CAAP1: variants seen among roughly 807,000 people sequenced by gnomAD.
CAAP1 encodes the protein caspase activity and apoptosis inhibitor 1, also known as conserved anti-apoptotic protein.
CAAP1 carries 20 observed loss-of-function variants against 34.0 expected under a neutral mutation model. The observed-to-expected ratio is 0.59, with a 90% CI of 0.41 to 0.86. CAAP1 has a LOEUF of 0.86. CAAP1 is among the 40% of genes least tolerant of loss of function. The pLI, the probability that CAAP1 is intolerant of heterozygous loss-of-function variation, is 0.00. For synonymous variants in CAAP1, 213 were observed against 166.7 expected (o/e 1.28, Z -2.14); for missense variants, 538 against 450.5 (o/e 1.19, Z -1.76).
chr9:26,874,165 C>A (rs1005155833), intron 4 of CAAP1, among the ~76,000 whole-genome samples: 1 of 142,458 alleles, frequency 7.0e-6, no homozygotes, highest in African/African-American at 2.7e-5. Context: ...CTAGATCACA[C>A]CACTGCACTC....
chr9:26,865,112 T>C (rs550093074), intron 4 of CAAP1, among the ~76,000 whole-genome samples: 2 of 152,300 alleles, frequency 1.3e-5, no homozygotes, highest in African/African-American at 2.4e-5. Context: ...ATCTCAACTG[T>C]GAGAAAAATC....
chr9:26,877,330 A>T (rs139310378), intron 4 of CAAP1, among the ~76,000 whole-genome samples: 2 of 152,210 alleles, frequency 1.3e-5, no homozygotes, highest in Admixed American at 1.3e-4. Context: ...TCTGGCCCCA[A>T]GCATTTCCAA....
At chr9:26,882,820 C>G (rs1823629089) in intron 4 of CAAP1, among the ~76,000 whole-genome samples, 1 of 152,270 alleles carries the variant, frequency 6.6e-6, no homozygotes, top group Non-Finnish European at 1.5e-5. Context: ...ACCATGGAAA[C>G]CTACCATTTG....
intron 1 of CAAP1, among the ~76,000 whole-genome samples, chr9:26,888,345 C>T (rs1470847276): frequency 6.6e-6 from 1 of 152,210 alleles, no homozygotes; most frequent in East Asian, 1.9e-4. Flanking sequence ...AACCTATTCT[C>T]CTTCCTTCAG....
intron 4 of CAAP1, among the ~76,000 whole-genome samples, chr9:26,874,536 C>T (rs1465118064): frequency 2.0e-5 from 3 of 152,140 alleles, no homozygotes; most frequent in Non-Finnish European, 4.4e-5. Context: ...GCTCCCTGTA[C>T]CCACCCCAAC....
chr9:26,884,762 G>A lies in CAAP1; in HGVS notation c.665+48C>T, dbSNP rs750829513. The A allele has an allele frequency of 1.7e-5, 22 of 1,267,736 alleles. No homozygotes were observed. In the South Asian group the frequency reaches 2.1e-4, roughly 12 times the overall value. The allele number at this position is 1,267,736 out of a possible 1,614,324, so 78.5% of individuals were successfully genotyped here. A position where few individuals can be genotyped will look rare whatever the true frequency, so the allele number is the denominator to read the frequency against. On this transcript the variant is annotated intron_variant, in intron 4 of 5. Transcript: ENST00000333916. ...ATCTTTGACATAAGAAATCACCAAA[G>A]GAATAACAAAGAAATTTTGAAATAA... is the stretch of plus-strand genomic sequence containing the variant.
intron 4 of CAAP1, among the ~76,000 whole-genome samples, chr9:26,863,688 A>G (rs1440666760): frequency 6.7e-6 from 1 of 149,806 alleles, no homozygotes; most frequent in African/African-American, 2.4e-5. Context: ...AAAGAGAGGA[A>G]TGGGGAGAGG....
intron 5 of CAAP1, among the ~76,000 whole-genome samples, chr9:26,848,373 G>C (rs1251225144): frequency 6.6e-6 from 1 of 152,082 alleles, no homozygotes; most frequent in Non-Finnish European, 1.5e-5. Flanking sequence ...AAAATTAGCC[G>C]GGCCTGGTGG....
At chr9:26,871,539 T>C (rs1823274173) in intron 4 of CAAP1, among the ~76,000 whole-genome samples, 1 of 149,334 alleles carries the variant, frequency 6.7e-6, no homozygotes, top group Non-Finnish European at 1.5e-5. Flanking sequence ...ATCGTGCCAC[T>C]GCACTCCAGC....
At position 26,842,608 on chromosome 9, in the gene CAAP1, T is replaced by C; in HGVS notation, c.779A>G (p.Asp260Gly). The C allele has an allele frequency of 6.2e-7, 1 of 1,614,018 alleles. No individual in the cohort carries two copies. The highest frequency in any genetic ancestry group is 8.5e-7 in the Non-Finnish European group (1 of 1,179,984). Residue 260 changes from aspartate (D) to glycine (G), a missense_variant, in exon 6 of 6, where the codon GAT becomes GGT. Transcript: ENST00000333916. Reference protein sequence around the residue: ...EDSDVLSINADAYDSDIEGPC... With the variant: ...EDSDVLSINAGAYDSDIEGPC... ...GCCTTCTATGTCGCTGTCATAAGCA[T>C]CTGCATTTATACTGAGTACATCACT... is the stretch of plus-strand genomic sequence containing the variant.
chr9:26,843,919 TTTTA>T (rs1200748028), intron 5 of CAAP1, among the ~76,000 whole-genome samples: 11 of 152,240 alleles, frequency 7.2e-5, no homozygotes, highest in African/African-American at 2.7e-4. Flanking sequence ...AAGATTATCA[TTTTA>T]TTTGATGGCA....
intron 5 of CAAP1, among the ~76,000 whole-genome samples, chr9:26,856,851 T>G (rs1822881168): frequency 6.6e-6 from 1 of 152,228 alleles, no homozygotes; most frequent in African/African-American, 2.4e-5. Flanking sequence ...CATGTATAGT[T>G]TTAAAATTTC....
At chr9:26,891,417 T>C (rs1048467999) in intron 1 of CAAP1, among the ~76,000 whole-genome samples, 1 of 152,204 alleles carries the variant, frequency 6.6e-6, no homozygotes, top group Admixed American at 6.5e-5. Context: ...GTTTGGACTA[T>C]AAATCTGTAA....
chr9:26,884,667 T>C, intron 4 of CAAP1, 143 bp downstream of exon 4: 1 of 687,480 alleles, frequency 1.5e-6, no homozygotes, highest in Non-Finnish European at 2.5e-6. Context: ...GACCAATCAT[T>C]ACAAGTAGAC....
intron 4 of CAAP1, among the ~76,000 whole-genome samples, chr9:26,878,282 T>A (rs1439157073): frequency 2.6e-5 from 4 of 152,222 alleles, no homozygotes; most frequent in Admixed American, 6.5e-5. Flanking sequence ...CAAGTAATCT[T>A]CTCTCTAGAT....
intron 5 of CAAP1, among the ~76,000 whole-genome samples, chr9:26,850,324 G>A (rs548919546): frequency 2.6e-5 from 4 of 152,130 alleles, no homozygotes; most frequent in African/African-American, 9.7e-5. Flanking sequence ...TACGTGGGCA[G>A]AGTGGGGGTT....
chr9:26,892,655 C>G lies in CAAP1; in HGVS notation c.61G>C (p.Ala21Pro). 6.2e-7 allele frequency: 1 copy of G among 1,607,552 alleles called. No homozygotes were observed. Among genetic ancestry groups the G allele is most frequent in the Non-Finnish European group, 8.5e-7 (1 of 1,179,192 alleles). The change falls in exon 1 of 6, where the codon GCA becomes CCA. Residue 21 changes from alanine (A) to proline (P), a missense_variant. Coordinates refer to ENST00000333916, the MANE Select transcript of CAAP1 (RefSeq NM_024828.4). ...RRKRSSQEAA[A>P]ALAAPDIVPA... ...ACGATGTCCGGGGCCGCGAGCGCTG[C>G]GGCCGCCTCCTGACTGCTACGTTTG... is the stretch of plus-strand genomic sequence containing the variant.
intron 1 of CAAP1, among the ~76,000 whole-genome samples, chr9:26,888,444 A>T (rs559075691): frequency 6.6e-6 from 1 of 152,354 alleles, no homozygotes; most frequent in Admixed American, 6.5e-5. Flanking sequence ...CAAGATTAAC[A>T]AATTCAGATA....
At chr9:26,843,588 G>A (rs1822528415) in intron 5 of CAAP1, among the ~76,000 whole-genome samples, 1 of 150,772 alleles carries the variant, frequency 6.6e-6, no homozygotes, top group Admixed American at 6.6e-5. Context: ...CTGCACCCAT[G>A]AATATGTTTT....
Sources: gnomAD v4.1 joint callset for allele counts (sites outside exome capture counted in the v4.1 genomes callset) on GRCh38, gnomAD v4.1.1 for gene constraint, MANE v1.5 for transcripts, NCBI Gene and HGNC (gene_info 2026-07-23, HGNC 2026-07-21) for gene names.